The following GOLM2 variants were observed in gnomAD, a reference collection of about 807,000 sequenced individuals.
The protein encoded by GOLM2 is golgi membrane protein 2.
A neutral mutation model predicts 55.9 loss-of-function variants in GOLM2; 26 were observed. That is an observed-to-expected ratio of 0.47 (90% CI 0.34 to 0.65). GOLM2 has a LOEUF of 0.65. Among genes scored for constraint, GOLM2 ranks in the 30% least tolerant of loss-of-function variants. The pLI, the probability that GOLM2 is intolerant of heterozygous loss-of-function variation, is 0.01. For synonymous variants in GOLM2, 165 were observed against 194.6 expected, an observed-to-expected ratio of 0.85 and a Z score of 1.27; for missense variants, 486 against 531.8, an observed-to-expected ratio of 0.91 and a Z score of 0.85.
chr15:44,368,816 G>A (rs546954583), intron 6 of GOLM2, among the ~76,000 whole-genome samples: 5 of 150,270 alleles, frequency 3.3e-5, no homozygotes, highest in South Asian at 4.2e-4. Flanking sequence ...TCACCTCTCC[G>A]TTTGTTTCTG....
At chr15:44,358,212 G>A (rs1452430806) in intron 6 of GOLM2, among the ~76,000 whole-genome samples, 1 of 152,154 alleles carries the variant, frequency 6.6e-6, no homozygotes, top group Admixed American at 6.5e-5. Flanking sequence ...AAATTAGTTG[G>A]GTGTGGTGGC....
chr15:44,350,221 A>G (rs2079152499), intron 6 of GOLM2, among the ~76,000 whole-genome samples: 1 of 152,128 alleles, frequency 6.6e-6, no homozygotes, highest in African/African-American at 2.4e-5. Context: ...GAAAACATAA[A>G]ACTGACAAAC....
intron 1 of GOLM2, among the ~76,000 whole-genome samples, chr15:44,292,197 ATATATT>A (rs2078725413): frequency 7.3e-6 from 1 of 137,562 alleles, no homozygotes; most frequent in African/African-American, 3.2e-5. Context: ...ATATATATAT[ATATATT>A]TTTTTTTTTT....
At chr15:44,299,679 T>C (rs1393610941) in intron 1 of GOLM2, among the ~76,000 whole-genome samples, 1 of 152,098 alleles carries the variant, frequency 6.6e-6, no homozygotes. Context: ...TACCTCTCCT[T>C]AAGCCTGTTT....
At chr15:44,387,927 A>G (rs1393657551) in intron 8 of GOLM2, among the ~76,000 whole-genome samples, 1 of 151,882 alleles carries the variant, frequency 6.6e-6, no homozygotes, top group East Asian at 1.9e-4. Context: ...CATTTCTTTT[A>G]TAAAAATCAT....
chr15:44,336,369 G>A (rs1016668514), intron 4 of GOLM2, among the ~76,000 whole-genome samples: 3 of 135,664 alleles, frequency 2.2e-5, no homozygotes, highest in East Asian at 2.3e-4. Context: ...CGCCCACCTC[G>A]GCCTCCCGAA....
At chr15:44,411,003 GTTTGTTTGACTTTT>G (rs1255920883) in intron 9 of GOLM2, among the ~76,000 whole-genome samples, 1 of 135,440 alleles carries the variant, frequency 7.4e-6, no homozygotes, top group Non-Finnish European at 1.6e-5. Flanking sequence ...AAGAAAGTTG[GTTTGTTTGACTTTT>G]TTTTTTTTTT....
intron 8 of GOLM2, among the ~76,000 whole-genome samples, chr15:44,395,730 C>T (rs575704839): frequency 1.3e-5 from 2 of 152,028 alleles, no homozygotes; most frequent in South Asian, 4.2e-4. Flanking sequence ...GTCCCACCTA[C>T]TCAGGAGGCT....
chr15:44,402,834 T>G, intron 8 of GOLM2, 53 bp from the exon 9 acceptor site: 1 of 1,584,186 alleles, frequency 6.3e-7, no homozygotes, highest in Non-Finnish European at 8.6e-7. Flanking sequence ...CCGTATAGAT[T>G]CCTTCTTTTC....
intron 6 of GOLM2, among the ~76,000 whole-genome samples, chr15:44,356,367 G>C (rs2079198336): frequency 6.6e-6 from 1 of 152,120 alleles, no homozygotes; most frequent in Admixed American, 6.5e-5. Flanking sequence ...AGAGGACACA[G>C]ATTACTTCTG....
chr15:44,391,123 C>G (rs989616548), intron 8 of GOLM2, among the ~76,000 whole-genome samples: 4 of 152,094 alleles, frequency 2.6e-5, no homozygotes, highest in Non-Finnish European at 5.9e-5. Context: ...TCAAAAGAGA[C>G]TGGTAAAAGT....
chr15:44,358,560 A>G (rs1567034430), intron 6 of GOLM2, among the ~76,000 whole-genome samples: 1 of 152,192 alleles, frequency 6.6e-6, no homozygotes, highest in Non-Finnish European at 1.5e-5. Context: ...ATAGACACAC[A>G]TAAATATAGT....
At chr15:44,296,509 A>G (rs887764932) in intron 1 of GOLM2, among the ~76,000 whole-genome samples, 1 of 152,216 alleles carries the variant, frequency 6.6e-6, no homozygotes, top group South Asian at 2.1e-4. Flanking sequence ...TGAGAAGCGT[A>G]TTACAAAAAA....
chr15:44,293,742 G>A (rs1452332329), intron 1 of GOLM2, among the ~76,000 whole-genome samples: 1 of 152,252 alleles, frequency 6.6e-6, no homozygotes. Flanking sequence ...CCTGGCGTGA[G>A]ATAGTGCTTG....
At chr15:44,344,898 C>T (rs2079113556) in intron 6 of GOLM2, among the ~76,000 whole-genome samples, 1 of 150,770 alleles carries the variant, frequency 6.6e-6, no homozygotes, top group Admixed American at 6.6e-5. Context: ...TTGCCTCAGC[C>T]TCCTGAGTAG....
At position 44,408,162 on chromosome 15, in the gene GOLM2, T is replaced by C. The variant is rs1275517872; in HGVS notation, c.1240+5108T>C. ...TATTCCTTTAATATTCATTTTACCT[T>C]GATGAACTATTTAAAATTTTGCTGC... On this transcript the variant is annotated intron_variant, in intron 9 of 9. Coordinates refer to ENST00000299957, the MANE Select transcript of GOLM2 (RefSeq NM_138423.4). 1.3e-5 allele frequency among the ~76,000 whole-genome samples: 2 copies of C among 152,214 alleles called. 1 individual carries two copies. The highest frequency in any genetic ancestry group is 3.8e-4 in the East Asian group (2 of 5,206).
intron 8 of GOLM2, among the ~76,000 whole-genome samples, chr15:44,392,220 A>C (rs543863067): frequency 6.6e-6 from 1 of 152,270 alleles, no homozygotes; most frequent in East Asian, 1.9e-4. Flanking sequence ...AAAAGGAAAA[A>C]AACACTCCCC....
chr15:44,303,108 A>G (rs2078810916), intron 1 of GOLM2, among the ~76,000 whole-genome samples: 1 of 137,938 alleles, frequency 7.2e-6, no homozygotes, highest in Non-Finnish European at 1.6e-5. Flanking sequence ...ATCTCAATAA[A>G]TAAATAAATA....
chr15:44,324,488 A>G (rs2141132575), intron 2 of GOLM2, among the ~76,000 whole-genome samples: 1 of 152,274 alleles, frequency 6.6e-6, no homozygotes, highest in East Asian at 1.9e-4. Context: ...TGCAACTGGA[A>G]TGATTTCTAC....
Sources: allele counts gnomAD v4.1 joint callset (sites outside exome capture counted in the v4.1 genomes callset), GRCh38; gene constraint gnomAD v4.1.1; transcripts MANE v1.5; gene names NCBI Gene and HGNC (gene_info 2026-07-23, HGNC 2026-07-21).